UHRF2: variants seen among roughly 807,000 people sequenced by gnomAD.
UHRF2 encodes the protein E3 ubiquitin-protein ligase UHRF2.
Under a neutral mutation model 96.8 loss-of-function variants are expected in UHRF2, and 23 were observed. That is an observed-to-expected ratio of 0.24 (90% confidence interval 0.17 to 0.34). The LOEUF (loss-of-function observed/expected upper bound fraction) is 0.34. UHRF2 is among the 10% of genes least tolerant of loss of function. UHRF2 has a pLI of 1.00. For synonymous variants in UHRF2, 385 were observed against 332.6 expected (o/e 1.16, Z -1.72); for missense variants, 685 against 981.5 (o/e 0.70, Z 4.04).
At chr9:6,473,670 G>A (rs1392533057) in intron 4 of UHRF2, among the ~76,000 whole-genome samples, 3 of 152,242 alleles carry the variant, frequency 2.0e-5, no homozygotes, top group African/African-American at 7.2e-5. Flanking sequence ...TTTTTCTTCT[G>A]TAAAGAGCCG....
intron 1 of UHRF2, among the ~76,000 whole-genome samples, chr9:6,420,296 C>T (rs1392024610): frequency 1.3e-5 from 2 of 151,866 alleles, no homozygotes; most frequent in Non-Finnish European, 2.9e-5. Context: ...ACCTCGTCAT[C>T]TGCTCTTTTC....
chr9:6,465,732 A>G lies in UHRF2; in HGVS notation c.863+4941A>G, dbSNP rs894881374. On this transcript the variant is annotated intron_variant, in intron 4 of 15. Transcript: ENST00000276893. The stretch of plus-strand genomic sequence containing the variant: ...CTAACCTTCAGCTTTGATCCTCTCT[A>G]TTGTATTGAAGGTGCAAAGGAAGAA... Among the ~76,000 whole-genome samples, 4 of 152,094 alleles carry G rather than the reference A, an allele frequency of 2.6e-5. No individual in the cohort carries two copies. The South Asian group carries it at 6.2e-4, about 24-fold the overall frequency.
At chr9:6,445,993 T>TG (rs1563762318) in intron 3 of UHRF2, among the ~76,000 whole-genome samples, 11 of 140,434 alleles carry the variant, frequency 7.8e-5, no homozygotes, top group African/African-American at 2.6e-4. Flanking sequence ...TTTTTTTTTT[T>TG]TTTTTTTCCT....
chr9:6,454,260 A>G (rs889447090), intron 3 of UHRF2, among the ~76,000 whole-genome samples: 1 of 152,256 alleles, frequency 6.6e-6, no homozygotes, highest in Non-Finnish European at 1.5e-5. Flanking sequence ...CAGACTGAAA[A>G]TAGAACATCT....
intron 14 of UHRF2, among the ~76,000 whole-genome samples, chr9:6,500,987 A>G (rs932183980): frequency 2.0e-5 from 3 of 152,220 alleles, no homozygotes; most frequent in Admixed American, 6.5e-5. Context: ...TTTGTGAAAC[A>G]TCGTCATTTT....
At chr9:6,485,536 A>C (rs1178466727) in intron 8 of UHRF2, among the ~76,000 whole-genome samples, 1 of 151,768 alleles carries the variant, frequency 6.6e-6, no homozygotes, top group Non-Finnish European at 1.5e-5. Context: ...GTGTTTCAAA[A>C]GCCAAAACCT....
At chr9:6,434,944 C>G (rs1268170095) in intron 3 of UHRF2, among the ~76,000 whole-genome samples, 1 of 151,900 alleles carries the variant, frequency 6.6e-6, no homozygotes, top group Non-Finnish European at 1.5e-5. Flanking sequence ...GATCTTCCCA[C>G]CTTAGCCTCC....
intron 10 of UHRF2, chr9:6,494,364 A>T (rs938977849): frequency 6.0e-6 from 1 of 165,456 alleles, no homozygotes; most frequent in African/African-American, 2.4e-5. Context: ...ACTTAATCAG[A>T]TCTGTACTGA....
chr9:6,504,765 G>A (rs1425234271), intron 15 of UHRF2, 74 bp downstream of exon 15: 11 of 1,208,790 alleles, frequency 9.1e-6, no homozygotes, highest in Non-Finnish European at 1.3e-5. Flanking sequence ...TTTTTAGCAT[G>A]CTAAGAAGCA....
intron 9 of UHRF2, among the ~76,000 whole-genome samples, chr9:6,489,277 G>A (rs1035520119): frequency 6.6e-6 from 1 of 152,138 alleles, no homozygotes; most frequent in Admixed American, 6.5e-5. Context: ...CTAGTCCATG[G>A]TGTGGATGTA....
In UHRF2 at chr9:6,500,956, G is replaced by A. The variant is rs115251053; in HGVS notation, c.2163+247G>A. ...CAAAGTTACTTTACTTTGAGGTACT[G>A]TTCCTCAGAAGAATTTTCAGTTTGT... On this transcript the variant is annotated intron_variant, in intron 14 of 15. Coordinates refer to ENST00000276893, the MANE Select transcript of UHRF2 (RefSeq NM_152896.3). 6.2e-3 allele frequency among the ~76,000 whole-genome samples: 939 copies of A among 152,238 alleles called. 6 individuals are homozygous for A. The highest frequency in any genetic ancestry group is 0.021 in the African/African-American group (884 of 41,544).
chr9:6,490,385 T>G (rs1438328719), intron 9 of UHRF2, among the ~76,000 whole-genome samples: 3 of 152,360 alleles, frequency 2.0e-5, no homozygotes, highest in African/African-American at 7.2e-5. Context: ...CTCAGCACTT[T>G]CGGAGTCCGA....
intron 5 of UHRF2, among the ~76,000 whole-genome samples, chr9:6,476,762 C>T (rs1389094105): frequency 1.3e-5 from 2 of 151,830 alleles, no homozygotes; most frequent in East Asian, 3.9e-4. Context: ...GCCTGGCTAA[C>T]TTTTGTATTT....
intron 14 of UHRF2, among the ~76,000 whole-genome samples, chr9:6,503,276 G>A (rs946167003): frequency 6.6e-5 from 10 of 152,064 alleles, no homozygotes; most frequent in Admixed American, 2.0e-4. Flanking sequence ...GATTACATGT[G>A]TGAACCACCA....
At chr9:6,481,907 G>C in intron 7 of UHRF2, 85 bp from the exon 8 acceptor site, 1 of 1,545,380 alleles carries the variant, frequency 6.5e-7, no homozygotes, top group Non-Finnish European at 8.8e-7. Context: ...ATAAACAGTT[G>C]GGTTCCTAGT....
At chr9:6,475,525 A>G (rs1446034249) in intron 5 of UHRF2, 25 bp downstream of exon 5, 1 of 1,440,212 alleles carries the variant, frequency 6.9e-7, no homozygotes, top group South Asian at 1.3e-5. Context: ...TTTTGGTCTT[A>G]GACTACATGT....
Position 6,440,272 on chromosome 9 carries a change from CT to C in UHRF2, c.644+6101del, listed in dbSNP as rs1224814392. ...CTTATGATATTTTAGAGAATGTTGT[CT>C]TATGTGCCGGACTCTGAGCATAACT... is the stretch of plus-strand genomic sequence containing the variant. On this transcript the variant is annotated intron_variant, in intron 3 of 15. Transcript: ENST00000276893. Among the ~76,000 whole-genome samples, 4 of 152,262 alleles carry C rather than the reference CT, an allele frequency of 2.6e-5. No homozygotes were observed. The East Asian group carries it at 7.7e-4, about 29-fold the overall frequency.
intron 1 of UHRF2, among the ~76,000 whole-genome samples, chr9:6,417,039 A>G (rs1265150529): frequency 1.3e-5 from 2 of 152,154 alleles, no homozygotes; most frequent in East Asian, 1.9e-4. Flanking sequence ...TATATTATAT[A>G]TGATGTATAT....
At chr9:6,487,333 C>T (rs573056744) in intron 9 of UHRF2, among the ~76,000 whole-genome samples, 3 of 151,500 alleles carry the variant, frequency 2.0e-5, no homozygotes, top group African/African-American at 2.4e-5. Context: ...AGATTTCAGG[C>T]GCCTGCCATC....
Sources: allele counts gnomAD v4.1 joint callset (sites outside exome capture counted in the v4.1 genomes callset), GRCh38; gene constraint gnomAD v4.1.1; transcripts MANE v1.5; gene names NCBI Gene and HGNC (gene_info 2026-07-23, HGNC 2026-07-21).